LOXL2: variants seen among roughly 807,000 people sequenced by gnomAD.
LOXL2 encodes lysyl oxidase homolog 2.
A neutral mutation model predicts 93.0 loss-of-function variants in LOXL2; 70 were observed. That is an observed-to-expected ratio of 0.75 (90% CI 0.62 to 0.92). The LOEUF is 0.92. Ranked by LOEUF, LOXL2 falls within the 40% of genes least tolerant of loss-of-function variation. The pLI, the probability that LOXL2 is intolerant of heterozygous loss-of-function variation, is 0.00. For synonymous variants in LOXL2, 438 were observed against 413.2 expected, an observed-to-expected ratio of 1.06 and a Z score of -0.73; for missense variants, 973 against 1,054.9, an observed-to-expected ratio of 0.92 and a Z score of 1.08.
chr8:23,370,368 G>T (rs1027721933), intron 1 of LOXL2, among the ~76,000 whole-genome samples: 63 of 151,948 alleles, frequency 4.1e-4, no homozygotes, highest in African/African-American at 1.5e-3. Flanking sequence ...CATTTTGCTG[G>T]TGCTTTACAT....
intron 10 of LOXL2, among the ~76,000 whole-genome samples, chr8:23,306,172 A>T (rs993920648): frequency 7.9e-5 from 12 of 152,146 alleles, no homozygotes; most frequent in Admixed American, 4.6e-4. Context: ...TGCAAAACGG[A>T]TGGCAGATAA....
chr8:23,367,383 A>C (rs1262816863), intron 2 of LOXL2, among the ~76,000 whole-genome samples: 2 of 152,164 alleles, frequency 1.3e-5, no homozygotes, highest in Admixed American at 1.3e-4. Flanking sequence ...TAAACTAATA[A>C]ATTTGAACCT....
chr8:23,307,953 G>GGAAAAAAA lies in LOXL2; in HGVS notation c.1880+1714_1880+1715insTTTTTTTC, dbSNP rs58347035. Among the ~76,000 whole-genome samples, 201 of 83,542 alleles carry GGAAAAAAA rather than the reference G, an allele frequency of 2.4e-3. 74 individuals carry two copies. The highest frequency in any genetic ancestry group is 2.7e-3 in the Non-Finnish European group (129 of 47,076). The allele number at this position is 83,542 out of a possible 152,430, so 54.8% of individuals were successfully genotyped here. ...GTGACTAGGTCATCAGCTGCGATATGAAAAAAAAAAAAAAAAAAAAGCCAA... is the reference window on the plus strand; with the variant it reads ...GTGACTAGGTCATCAGCTGCGATATGGAAAAAAAAAAAAAAAAAAAAAAAAAAAGCCAA... On this transcript the variant is annotated intron_variant, in intron 10 of 13. Transcript: ENST00000389131.
chr8:23,377,639 T>C (rs993529457), intron 1 of LOXL2, among the ~76,000 whole-genome samples: 1 of 152,220 alleles, frequency 6.6e-6, no homozygotes, highest in African/African-American at 2.4e-5. Flanking sequence ...TGGGTGCATA[T>C]ACATTTAAGA....
At chr8:23,388,899 G>A (rs1260793026) in intron 1 of LOXL2, among the ~76,000 whole-genome samples, 2 of 152,002 alleles carry the variant, frequency 1.3e-5, no homozygotes, top group African/African-American at 2.4e-5. Flanking sequence ...GGCTGGGTTG[G>A]AGGGAGAGAA....
At chr8:23,396,108 C>T (rs1030374918) in intron 1 of LOXL2, among the ~76,000 whole-genome samples, 2 of 151,902 alleles carry the variant, frequency 1.3e-5, no homozygotes, top group East Asian at 1.9e-4. Context: ...ATCCTGAGGT[C>T]GGGAGTTCGG....
chr8:23,332,487 C>A (rs1188057639), intron 5 of LOXL2, among the ~76,000 whole-genome samples: 1 of 84,916 alleles, frequency 1.2e-5, no homozygotes, highest in Non-Finnish European at 2.3e-5. Context: ...CACTCCCATA[C>A]CCCCCCACTC....
intron 1 of LOXL2, among the ~76,000 whole-genome samples, chr8:23,384,666 G>A (rs942915440): frequency 1.6e-4 from 25 of 152,266 alleles, no homozygotes; most frequent in African/African-American, 6.0e-4. Flanking sequence ...TGTAATCTCA[G>A]CCCTTTGAAG....
chr8:23,339,144 CCTAA>C (rs768228350), intron 4 of LOXL2, among the ~76,000 whole-genome samples: 2 of 152,254 alleles, frequency 1.3e-5, no homozygotes, highest in South Asian at 4.1e-4. Context: ...CACATGTAGG[CCTAA>C]CTGTCAACTG....
At chr8:23,299,218 G>A (rs143962144) in intron 12 of LOXL2, among the ~76,000 whole-genome samples, 4,048 of 152,304 alleles carry the variant, frequency 0.027, 80 homozygotes, top group Middle Eastern at 0.068. Flanking sequence ...CCTTCGGAAG[G>A]GGGTCACCCA....
At chr8:23,321,770 C>T (rs1017629542) in intron 7 of LOXL2, 12 of 205,332 alleles carry the variant, frequency 5.8e-5, no homozygotes, top group Non-Finnish European at 8.9e-5. Flanking sequence ...GGAAAGAGAA[C>T]GCCTCCAGCC....
At position 23,341,097 on chromosome 8, in the gene LOXL2, G is replaced by A; in HGVS notation, c.638C>T (p.Thr213Ile). Residue 213 changes from threonine (T) to isoleucine (I), a missense_variant, in exon 4 of 14, where the codon ACC becomes ATC. Coordinates refer to ENST00000389131, the MANE Select transcript of LOXL2 (RefSeq NM_002318.3). ...EGYVEVKEGKTWKQICDKHWT... is the reference protein window; with the variant it reads ...EGYVEVKEGKIWKQICDKHWT... ...GTGCTTGTCACAGATCTGCTTCCAG[G>A]TCTTGCCCTCCTTCACCTCCACGTA... The A allele has an allele frequency of 6.2e-7, 1 of 1,614,018 alleles. No homozygotes were observed. The highest frequency in any genetic ancestry group is 1.3e-5 in the African/African-American group (1 of 75,032).
chr8:23,344,484 G>A (rs375964268), intron 3 of LOXL2, among the ~76,000 whole-genome samples: 215 of 152,044 alleles, frequency 1.4e-3, no homozygotes, highest in African/African-American at 4.9e-3. Context: ...GTGTGTGCAC[G>A]GGGGTATATG....
intron 12 of LOXL2, among the ~76,000 whole-genome samples, chr8:23,300,661 G>C (rs1415904254): frequency 1.3e-5 from 2 of 152,234 alleles, no homozygotes; most frequent in Non-Finnish European, 2.9e-5. Flanking sequence ...TTTAGGGGTT[G>C]AGAAAACAAA....
Position 23,303,400 on chromosome 8 carries a change from G to A in LOXL2, c.1881-3C>T. 4 of 1,565,468 alleles carry A rather than the reference G, an allele frequency of 2.6e-6. No homozygotes were observed. The highest frequency in any genetic ancestry group is 1.1e-5 in the South Asian group (1 of 90,168). ...ACACCTCCATGCTGTGGTAGTGCCT[G>A]GAGCGAGAGAGAGATGGCCTGGAGG... On this transcript the variant is annotated splice_region_variant and splice_polypyrimidine_tract_variant and intron_variant, in intron 10 of 13. Coordinates refer to ENST00000389131, the MANE Select transcript of LOXL2 (RefSeq NM_002318.3).
chr8:23,360,336 T>C, intron 2 of LOXL2, 71 bp from the exon 3 acceptor site: 1 of 1,173,944 alleles, frequency 8.5e-7, no homozygotes, highest in Non-Finnish European at 1.2e-6. Context: ...GGGGCACCAG[T>C]GTCTCACATG....
At chr8:23,326,551 C>T (rs1803579621) in intron 6 of LOXL2, among the ~76,000 whole-genome samples, 1 of 152,112 alleles carries the variant, frequency 6.6e-6, no homozygotes, top group South Asian at 2.1e-4. Flanking sequence ...GTCAGGAGTT[C>T]AAGACCAGCC....
At chr8:23,343,500 G>A (rs1371045448) in intron 3 of LOXL2, among the ~76,000 whole-genome samples, 2 of 152,182 alleles carry the variant, frequency 1.3e-5, no homozygotes, top group Non-Finnish European at 2.9e-5. Context: ...CCAGCACCCC[G>A]ACTGCCCCAG....
intron 3 of LOXL2, among the ~76,000 whole-genome samples, chr8:23,355,302 G>A (rs1804175768): frequency 7.4e-6 from 1 of 134,602 alleles, no homozygotes. Context: ...AGTATTTGAA[G>A]AGAACCATCT....
Sources: allele counts gnomAD v4.1 joint callset (sites outside exome capture counted in the v4.1 genomes callset), GRCh38; gene constraint gnomAD v4.1.1; transcripts MANE v1.5; gene names NCBI Gene and HGNC (gene_info 2026-07-23, HGNC 2026-07-21).